Variants in LDHAL6A observed in about 807,000 individuals in gnomAD.
LDHAL6A encodes the protein L-lactate dehydrogenase A-like 6A.
In LDHAL6A, 19 loss-of-function variants were observed where a neutral mutation model predicts 28.2. That is an observed-to-expected ratio of 0.67 (90% CI 0.47 to 0.99). The LOEUF (loss-of-function observed/expected upper bound fraction) is 0.99, where lower values mean the gene tolerates loss of function less well. LDHAL6A is among the 50% of genes least tolerant of loss of function. The probability of loss-of-function intolerance (pLI) is 0.00; values close to 1 mark genes in which losing one functional copy is unlikely to be tolerated. For missense variants in LDHAL6A, 372 were observed against 398.6 expected (o/e 0.93, Z 0.57); for synonymous variants, 144 against 134.4 (o/e 1.07, Z -0.49).
intron 2 of LDHAL6A, among the ~76,000 whole-genome samples, chr11:18,465,426 GTTTTT>G (rs5790038): frequency 1.6e-3 from 224 of 140,068 alleles, no homozygotes; most frequent in African/African-American, 4.0e-3. Context: ...CATGACTTAC[GTTTTT>G]TTTTTTTTTT....
rs140940125 is a variant in LDHAL6A, at chr11:18,461,603, T to C, written c.127-2358T>C. On this transcript the variant is annotated intron_variant, in intron 1 of 6. Coordinates refer to ENST00000280706, the MANE Select transcript of LDHAL6A (RefSeq NM_144972.5). ...CGGTGGCTCAAGCCTGTAATCCCAG[T>C]ACTTTGGGAGGCCATGGCAGGCAAA... Among the ~76,000 whole-genome samples, 911 of 151,890 alleles carry C rather than the reference T, an allele frequency of 6.0e-3. 9 individuals carry two copies. Among genetic ancestry groups the C allele is most frequent in the African/African-American group, 0.02 (837 of 41,448 alleles).
rs186240675 is a variant in LDHAL6A, at chr11:18,474,103, G to A, written c.419-1363G>A. ...TCTCATTTTCTTTTCTTTTTGAGACGGAGTCTTGCTCTGTCGCCCAGGCTG... is the reference window on the plus strand; with the variant it reads ...TCTCATTTTCTTTTCTTTTTGAGACAGAGTCTTGCTCTGTCGCCCAGGCTG... On this transcript the variant is annotated intron_variant, in intron 3 of 6. Transcript: ENST00000280706. 4.9e-3 allele frequency among the ~76,000 whole-genome samples: 740 copies of A among 152,008 alleles called. 5 individuals are homozygous for A. Among genetic ancestry groups the A allele is most frequent in the African/African-American group, 0.017 (712 of 41,452 alleles).
chr11:18,464,992 G>C (rs201163751), intron 2 of LDHAL6A, among the ~76,000 whole-genome samples: 1 of 119,822 alleles, frequency 8.3e-6, no homozygotes, highest in South Asian at 2.6e-4. Flanking sequence ...TTTTTGTTTT[G>C]TTTTGTTTTG....
At chr11:18,458,918 T>C (rs993297756) in intron 1 of LDHAL6A, among the ~76,000 whole-genome samples, 1 of 152,248 alleles carries the variant, frequency 6.6e-6, no homozygotes, top group Non-Finnish European at 1.5e-5. Flanking sequence ...AGATGGGATA[T>C]TCTGTTTACT....
intron 3 of LDHAL6A, among the ~76,000 whole-genome samples, chr11:18,472,287 C>T (rs1045746132): frequency 2.6e-5 from 4 of 152,166 alleles, no homozygotes; most frequent in Admixed American, 6.6e-5. Flanking sequence ...AAAGACATTT[C>T]TACCATACTT....
chr11:18,476,450 C>A lies in LDHAL6A; in HGVS notation c.659C>A (p.Thr220Asn). The change falls in exon 5 of 7, where the codon ACT (threonine) becomes AAT (asparagine). Residue 220 changes from threonine to asparagine, a missense_variant. Thr to Asn is a moderately conservative substitution (Grantham distance 65). Around this residue, in one of 3 missense-constraint regions of LDHAL6A, gnomAD observed 291 missense variants for 302.9 expected, o/e 0.96. Coordinates refer to ENST00000280706, the MANE Select transcript of LDHAL6A (RefSeq NM_144972.5). Reference sequence around the variant, plus strand: ...AAGGATCTGAACCCAGATATAGGAACTGATAAAGATCCTGAGCAGTGGGAA... The same window carrying A: ...AAGGATCTGAACCCAGATATAGGAAATGATAAAGATCCTGAGCAGTGGGAA... ...PLKDLNPDIG[T>N]DKDPEQWENV... 1.2e-6 allele frequency: 2 copies of A among 1,614,072 alleles called. No individual in the cohort carries two copies.
intron 3 of LDHAL6A, among the ~76,000 whole-genome samples, chr11:18,467,134 G>A (rs532176227): frequency 9.2e-5 from 14 of 152,272 alleles, no homozygotes; most frequent in African/African-American, 3.4e-4. Context: ...GTAGTTTAGG[G>A]ATATTCAAAT....
At chr11:18,464,836 A>G (rs966488126) in intron 2 of LDHAL6A, among the ~76,000 whole-genome samples, 1 of 152,164 alleles carries the variant, frequency 6.6e-6, no homozygotes, top group Non-Finnish European at 1.5e-5. Context: ...TATTTGAACA[A>G]ACGAATGAAC....
intron 3 of LDHAL6A, among the ~76,000 whole-genome samples, chr11:18,470,306 G>A (rs770965746): frequency 1.9e-4 from 29 of 152,334 alleles, no homozygotes; most frequent in African/African-American, 5.8e-4. Flanking sequence ...TTTCTCAGGC[G>A]TAGGTACTAA....
intron 3 of LDHAL6A, among the ~76,000 whole-genome samples, chr11:18,467,888 T>G (rs867820583): frequency 1.6e-5 from 1 of 61,154 alleles, no homozygotes; most frequent in Non-Finnish European, 2.7e-5. Flanking sequence ...CACATATATA[T>G]ATATATATAT....
At position 18,467,812 on chromosome 11, in the gene LDHAL6A, C is replaced by T. The variant is rs11024666; in HGVS notation, c.418+2002C>T. Among the ~76,000 whole-genome samples, 19 of 144,574 alleles carry T rather than the reference C, an allele frequency of 1.3e-4. No individual in the cohort carries two copies. The East Asian group carries it at 3.6e-3, about 28-fold the overall frequency. The allele number at this position is 144,574 out of a possible 152,430, so 94.8% of individuals were successfully genotyped here. A position where few individuals can be genotyped will look rare whatever the true frequency, so the allele number is the denominator to read the frequency against. ...GGCAGAGGCTGCAGTGAGCTGAGAT[C>T]GCACCACTGCACTCCAGCCTGGGCA... is the stretch of plus-strand genomic sequence containing the variant. On this transcript the variant is annotated intron_variant, in intron 3 of 6. Coordinates refer to ENST00000280706, the MANE Select transcript of LDHAL6A (RefSeq NM_144972.5).
Position 18,479,096 on chromosome 11 carries a change from A to C in LDHAL6A, c.*226A>C, listed in dbSNP as rs1218246530. 1 of 361,644 alleles carries C rather than the reference A, an allele frequency of 2.8e-6. No individual in the cohort carries two copies. The highest frequency in any genetic ancestry group is 5.0e-6 in the Non-Finnish European group (1 of 199,896). The allele number at this position is 361,644 out of a possible 1,614,324, so 22.4% of individuals were successfully genotyped here. ...ACAATCATGGCTCACTGCAACCTTG[A>C]CCTCCCGAGCTCAGGTGAGCCTCCC... is the stretch of plus-strand genomic sequence containing the variant. On this transcript the variant is annotated 3_prime_UTR_variant, in exon 7 of 7. Coordinates refer to ENST00000280706, the MANE Select transcript of LDHAL6A (RefSeq NM_144972.5).
rs1264046789 is a variant in LDHAL6A at position 18,479,332 on chromosome 11, T to A, written c.*462T>A. The A allele has an allele frequency of 3.3e-5, 5 of 151,276 alleles. No individual in the cohort carries two copies. The highest frequency in any genetic ancestry group is 7.4e-5 in the Non-Finnish European group (5 of 67,948). 9.4% of individuals were successfully genotyped at this position (151,276 alleles called of 1,614,324 possible). A position where few individuals can be genotyped will look rare whatever the true frequency, so the allele number is the denominator to read the frequency against. ...GATGACACTTTTTTTTTTTTTTTTT[T>A]AAAGTGACGGCATCAAAGATGTTTT... On this transcript the variant is annotated 3_prime_UTR_variant, in exon 7 of 7. Transcript: ENST00000280706.
chr11:18,472,996 TAGC>T (rs1280562544), intron 3 of LDHAL6A, among the ~76,000 whole-genome samples: 7 of 152,296 alleles, frequency 4.6e-5, no homozygotes, highest in African/African-American at 1.4e-4. Context: ...ACTGCAGAAA[TAGC>T]AGGACAATCA....
intron 5 of LDHAL6A, among the ~76,000 whole-genome samples, chr11:18,477,319 C>G (rs1849408684): frequency 6.6e-6 from 1 of 152,070 alleles, no homozygotes; most frequent in African/African-American, 2.4e-5. Context: ...ATTAGCCACG[C>G]ATGGTGGCGC....
At chr11:18,469,127 A>T (rs941270295) in intron 3 of LDHAL6A, 14 of 521,776 alleles carry the variant, frequency 2.7e-5, no homozygotes, top group Non-Finnish European at 4.7e-5. Flanking sequence ...TTGAAAGGAG[A>T]GCTGTGGAGA....
chr11:18,474,452 T>C (rs1307153961), intron 3 of LDHAL6A, among the ~76,000 whole-genome samples: 1 of 151,592 alleles, frequency 6.6e-6, no homozygotes, highest in East Asian at 1.9e-4. Flanking sequence ...AGTGGCACGA[T>C]CTCGGCTCAC....
At chr11:18,467,209 A>C (rs188749869) in intron 3 of LDHAL6A, among the ~76,000 whole-genome samples, 1 of 152,320 alleles carries the variant, frequency 6.6e-6, no homozygotes, top group Non-Finnish European at 1.5e-5. Flanking sequence ...GTGCATGATT[A>C]AGTTTATTCA....
Position 18,464,991 on chromosome 11 carries a change from TG to T in LDHAL6A, c.245-645del, listed in dbSNP as rs1241952551. 7.8e-3 allele frequency among the ~76,000 whole-genome samples: 1,096 copies of T among 139,628 alleles called. 64 individuals are homozygous for T. The highest frequency in any genetic ancestry group is 0.025 in the African/African-American group (823 of 33,524). 91.6% of individuals were successfully genotyped at this position (139,628 alleles called of 152,430 possible). ...GTGTTTTTTTTGTTTTTTTTTGTTT[TG>T]TTTTGTTTTGGTTTGTTTTTGAGAC... On this transcript the variant is annotated intron_variant, in intron 2 of 6. Coordinates refer to ENST00000280706, the MANE Select transcript of LDHAL6A (RefSeq NM_144972.5).
Sources: gnomAD v4.1 joint callset for allele counts (sites outside exome capture counted in the v4.1 genomes callset) on GRCh38, gnomAD v4.1.1 for gene constraint, gnomAD v4.1.1 regional missense constraint, MANE v1.5 for transcripts, NCBI Gene and HGNC (gene_info 2026-07-23, HGNC 2026-07-21) for gene names.